CPLX1: variants seen among roughly 807,000 people sequenced by gnomAD.
CPLX1 encodes the protein complexin 1, also known as complexin-1.
A neutral mutation model predicts 15.6 loss-of-function variants in CPLX1; 6 were observed. The ratio of observed to expected loss-of-function variants is 0.39; its 90% CI spans 0.21 to 0.76. CPLX1 has a LOEUF of 0.76. Among genes scored for constraint, CPLX1 ranks in the 30% least tolerant of loss-of-function variants. The pLI, the probability that CPLX1 is intolerant of heterozygous loss-of-function variation, is 0.43. For missense variants in CPLX1, 242 were observed against 188.6 expected (o/e 1.28, Z -1.66); for synonymous variants, 91 against 75.2 (o/e 1.21, Z -1.08).
At chr4:817,785 A>G (rs1746786126) in intron 2 of CPLX1, among the ~76,000 whole-genome samples, 1 of 151,814 alleles carries the variant, frequency 6.6e-6, no homozygotes, top group Non-Finnish European at 1.5e-5. Flanking sequence ...CTCCACTTCC[A>G]TCTGGAGATG....
Position 822,224 on chromosome 4 carries a change from C to T in CPLX1, c.31+2268G>A, listed in dbSNP as rs374737457. Among the ~76,000 whole-genome samples the T allele has an allele frequency of 1.6e-4, 24 of 151,700 alleles. 1 individual carries two copies. The South Asian group carries it at 4.2e-3, about 26-fold the overall frequency. On this transcript the variant is annotated intron_variant, in intron 2 of 3. Coordinates refer to ENST00000304062, the MANE Select transcript of CPLX1 (RefSeq NM_006651.4). ...TCTCCATCTCTATCTCTCTAACTCT[C>T]TCTGTCTCTCTCTCTCCTTCTGCCT...
intron 2 of CPLX1, among the ~76,000 whole-genome samples, chr4:800,459 A>C (rs1337362866): frequency 2.0e-5 from 3 of 151,276 alleles, no homozygotes; most frequent in Non-Finnish European, 4.4e-5. Context: ...AAATGGGGAA[A>C]TCCCATCTCT....
chr4:797,470 G>C (rs1041901789), intron 2 of CPLX1, among the ~76,000 whole-genome samples: 7 of 152,194 alleles, frequency 4.6e-5, no homozygotes, highest in Non-Finnish European at 7.3e-5. Context: ...CAGGATTACA[G>C]GCGTCTGCCA....
At chr4:794,358 T>TG (rs1746272342) in intron 2 of CPLX1, among the ~76,000 whole-genome samples, 1 of 152,200 alleles carries the variant, frequency 6.6e-6, no homozygotes, top group Non-Finnish European at 1.5e-5. Context: ...TCGTCGCTGC[T>TG]GGGGACAGGC....
intron 2 of CPLX1, among the ~76,000 whole-genome samples, chr4:812,800 G>A (rs371745782): frequency 2.6e-5 from 4 of 152,172 alleles, no homozygotes; most frequent in African/African-American, 7.2e-5. Flanking sequence ...GCTAACGCCC[G>A]GTGTCCTAAC....
At chr4:795,395 C>T (rs924887852) in intron 2 of CPLX1, among the ~76,000 whole-genome samples, 67 of 152,338 alleles carry the variant, frequency 4.4e-4, no homozygotes, top group African/African-American at 1.6e-3. Context: ...TGAGCTGCAT[C>T]CCGCATCCGC....
chr4:810,221 T>C (rs1746640887), intron 2 of CPLX1, among the ~76,000 whole-genome samples: 1 of 151,424 alleles, frequency 6.6e-6, no homozygotes, highest in Admixed American at 6.6e-5. Context: ...GGCTAATTTT[T>C]TGTATTTTTA....
intron 2 of CPLX1, among the ~76,000 whole-genome samples, chr4:815,204 A>G (rs890023578): frequency 6.6e-6 from 1 of 152,180 alleles, no homozygotes; most frequent in Non-Finnish European, 1.5e-5. Context: ...TGAGGTCAGG[A>G]GTTCAAGACT....
At chr4:786,931 G>C (rs1746012895) in intron 3 of CPLX1, 1 of 979,400 alleles carries the variant, frequency 1.0e-6, no homozygotes, top group Non-Finnish European at 1.2e-6. Context: ...GGGGAGCAGG[G>C]AGGGGGAGGC....
chr4:804,823 C>A (rs1328282739), intron 2 of CPLX1: 6 of 985,262 alleles, frequency 6.1e-6, no homozygotes, highest in Non-Finnish European at 7.2e-6. Context: ...GCCTGGAGGC[C>A]GGCAAGCGTG....
rs1746451674 is a variant in CPLX1, at chr4:801,182, C to T, written c.32-8574G>A. On this transcript the variant is annotated intron_variant, in intron 2 of 3. Transcript: ENST00000304062. ...AAAAAAAATGCAAAAATTAGGCAGG[C>T]GTGGTGGCACGTGCCTGCAGTCCCA... is the stretch of plus-strand genomic sequence containing the variant. Among the ~76,000 whole-genome samples, 3 of 150,402 alleles carry T rather than the reference C, an allele frequency of 2.0e-5. 1 individual carries two copies. The South Asian group carries it at 6.3e-4, about 32-fold the overall frequency.
chr4:804,684 ATT>A, intron 2 of CPLX1: 2 of 960,374 alleles, frequency 2.1e-6, no homozygotes, highest in Non-Finnish European at 2.5e-6. Flanking sequence ...TTTGGATAAA[ATT>A]AAGGTTCATA....
intron 2 of CPLX1, among the ~76,000 whole-genome samples, chr4:820,964 A>T (rs1310019940): frequency 6.6e-6 from 1 of 152,106 alleles, no homozygotes; most frequent in Non-Finnish European, 1.5e-5. Flanking sequence ...GCCGTCCACG[A>T]GACACTTCTC....
chr4:821,655 A>G lies in CPLX1; in HGVS notation c.31+2837T>C, dbSNP rs1279894996. ...CCAGTTTCTTTAAATTACTCCCTTG[A>G]GGACCCTGGATCCGGACCCACGTGT... On this transcript the variant is annotated intron_variant, in intron 2 of 3. Transcript: ENST00000304062. Among the ~76,000 whole-genome samples, 4 of 152,166 alleles carry G rather than the reference A, an allele frequency of 2.6e-5. No individual in the cohort carries two copies. In the East Asian group the frequency reaches 7.7e-4, roughly 29 times the overall value.
At chr4:790,866 CTG>C (rs1159038506) in intron 3 of CPLX1, among the ~76,000 whole-genome samples, 2 of 151,994 alleles carry the variant, frequency 1.3e-5, no homozygotes, top group African/African-American at 2.4e-5. Context: ...GCCTTGATTG[CTG>C]TCTCTCCCTC....
chr4:803,398 C>CT (rs149105917), intron 2 of CPLX1, among the ~76,000 whole-genome samples: 16,495 of 149,342 alleles, frequency 0.11, 1,127 homozygotes, highest in East Asian at 0.28. Flanking sequence ...CTTTTCTTTC[C>CT]TTTTTTTTTT....
intron 2 of CPLX1, among the ~76,000 whole-genome samples, chr4:807,777 C>T (rs535949747): frequency 3.3e-5 from 5 of 152,148 alleles, no homozygotes; most frequent in Non-Finnish European, 7.3e-5. Flanking sequence ...AGCCACCTTG[C>T]CTGGCCTTAA....
chr4:795,521 G>A (rs966590594), intron 2 of CPLX1, among the ~76,000 whole-genome samples: 1 of 152,210 alleles, frequency 6.6e-6, no homozygotes, highest in Admixed American at 6.5e-5. Flanking sequence ...TTGCAGGGGG[G>A]TCGGATCCGA....
chr4:793,615 G>A (rs1746247801), intron 2 of CPLX1, among the ~76,000 whole-genome samples: 3 of 152,222 alleles, frequency 2.0e-5, no homozygotes, highest in Admixed American at 1.3e-4. Flanking sequence ...GAGCGGCCAG[G>A]CTCCTCCATG....
Sources: gnomAD v4.1 joint callset for allele counts (sites outside exome capture counted in the v4.1 genomes callset) on GRCh38, gnomAD v4.1.1 for gene constraint, MANE v1.5 for transcripts, NCBI Gene and HGNC (gene_info 2026-07-23, HGNC 2026-07-21) for gene names.